Variants in MAST4 observed in about 807,000 individuals in gnomAD.
The protein encoded by MAST4 is microtubule-associated serine/threonine-protein kinase 4.
In MAST4, 89 loss-of-function variants were observed where a neutral mutation model predicts 162.7. That is an observed-to-expected ratio of 0.55 (90% CI 0.46 to 0.65). The LOEUF (loss-of-function observed/expected upper bound fraction) is 0.65. MAST4 is among the 30% of genes least tolerant of loss of function. The pLI, the probability that MAST4 is intolerant of heterozygous loss-of-function variation, is 0.00. For synonymous variants in MAST4, 1,479 were observed against 1,361.1 expected (o/e 1.09, Z -1.91); for missense variants, 3,153 against 3,374.0 (o/e 0.93, Z 1.62).
At chr5:67,071,578 G>A (rs1760999681) in intron 5 of MAST4, among the ~76,000 whole-genome samples, 1 of 152,120 alleles carries the variant, frequency 6.6e-6, no homozygotes, top group Non-Finnish European at 1.5e-5. Context: ...TGACCAATAT[G>A]GCAAAACCCC....
In MAST4 at chr5:66,734,831, G is replaced by C. The variant is rs79066747; in HGVS notation, c.364-24878G>C. Among the ~76,000 whole-genome samples, 1,185 of 152,240 alleles carry C rather than the reference G, an allele frequency of 7.8e-3. 19 individuals are homozygous for C. The highest frequency in any genetic ancestry group is 0.026 in the African/African-American group (1,089 of 41,546). On this transcript the variant is annotated intron_variant, in intron 1 of 28. Coordinates refer to ENST00000403625, the MANE Select transcript of MAST4 (RefSeq NM_001164664.2). Reference sequence around the variant, plus strand: ...CTTGAAAACACATCAATTTGTATTTGTTTTTCTCCTATTTTCTAGCTGTCA... The same window carrying C: ...CTTGAAAACACATCAATTTGTATTTCTTTTTCTCCTATTTTCTAGCTGTCA...
intron 5 of MAST4, among the ~76,000 whole-genome samples, chr5:67,069,475 A>G (rs1760662737): frequency 6.6e-6 from 1 of 151,546 alleles, no homozygotes; most frequent in Admixed American, 6.6e-5. Context: ...GACAAATGAC[A>G]CTCTCAGCAT....
chr5:67,082,147 C>CTTTTTT (rs60811351), intron 5 of MAST4, among the ~76,000 whole-genome samples: 2 of 125,790 alleles, frequency 1.6e-5, no homozygotes, highest in African/African-American at 3.1e-5. Flanking sequence ...TACCTGTAAT[C>CTTTTTT]TTTTTTTTTT....
At chr5:67,049,023 G>GTATATATATATACACATATA (rs1554087410) in intron 4 of MAST4, among the ~76,000 whole-genome samples, 1 of 85,666 alleles carries the variant, frequency 1.2e-5, no homozygotes, top group Non-Finnish European at 2.3e-5. Flanking sequence ...ATATATATAC[G>GTATATATATATACACATATA]TATATATATA....
chr5:66,911,934 C>T (rs995582112), intron 4 of MAST4, among the ~76,000 whole-genome samples: 1 of 152,050 alleles, frequency 6.6e-6, no homozygotes, highest in African/African-American at 2.4e-5. Flanking sequence ...TGGGATTAAC[C>T]TTTTGGTAAC....
At chr5:66,897,106 T>A (rs985698547) in intron 3 of MAST4, among the ~76,000 whole-genome samples, 2 of 152,080 alleles carry the variant, frequency 1.3e-5, no homozygotes, top group Admixed American at 6.6e-5. Context: ...ATTTCTTTAA[T>A]CCAGTGTCAA....
At chr5:66,755,405 AG>A (rs1753476434) in intron 1 of MAST4, among the ~76,000 whole-genome samples, 1 of 152,226 alleles carries the variant, frequency 6.6e-6, no homozygotes, top group Non-Finnish European at 1.5e-5. Context: ...TGGGAATAGA[AG>A]TGTCTGAAAA....
In MAST4 at chr5:67,163,656, G is replaced by A. The variant is rs745344641; in HGVS notation, c.4477G>A (p.Val1493Met). Residue 1493 changes from valine to methionine, a missense_variant, in exon 29 of 29, where the codon GTG becomes ATG. This residue lies in a region of MAST4 where 1,644 missense variants were observed against 1,495.0 expected (regional missense o/e 1.10). Transcript: ENST00000403625. The surrounding 1 kb of genome is among the most constrained non-coding windows in gnomAD (Gnocchi z 7.0). Reference sequence around the variant, plus strand: ...GCCGCTGCAGAGCCTGGATGAGAACGTGTGCGACGTGCCGCCGCTCAGCCG... The same window carrying A: ...GCCGCTGCAGAGCCTGGATGAGAACATGTGCGACGTGCCGCCGCTCAGCCG... ...EAPLQSLDEN[V>M]CDVPPLSRAR... 1.9e-6 allele frequency: 3 copies of A among 1,607,980 alleles called. No homozygotes were observed. The highest frequency in any genetic ancestry group is 1.7e-5 in the Admixed American group (1 of 59,298).
At chr5:66,777,384 A>T (rs920600106) in intron 2 of MAST4, among the ~76,000 whole-genome samples, 1 of 152,208 alleles carries the variant, frequency 6.6e-6, no homozygotes, top group Non-Finnish European at 1.5e-5. Flanking sequence ...CTTTGTTTAC[A>T]TTCTAAATTC....
At chr5:66,828,308 T>C (rs1757372382) in intron 3 of MAST4, among the ~76,000 whole-genome samples, 1 of 152,174 alleles carries the variant, frequency 6.6e-6, no homozygotes, top group Non-Finnish European at 1.5e-5. Context: ...GCTACATTTT[T>C]GTTTTCTTTG....
intron 4 of MAST4, among the ~76,000 whole-genome samples, chr5:66,906,473 T>G (rs550336021): frequency 1.3e-5 from 2 of 152,352 alleles, no homozygotes; most frequent in Non-Finnish European, 2.9e-5. Context: ...AGTTATCTAC[T>G]GGCATTTGAT....
At chr5:66,927,694 C>T (rs539708428) in intron 4 of MAST4, among the ~76,000 whole-genome samples, 1 of 152,186 alleles carries the variant, frequency 6.6e-6, no homozygotes, top group Non-Finnish European at 1.5e-5. Context: ...ATGTACTGGA[C>T]CCAGGAAGGT....
At chr5:67,000,144 G>A (rs545221255) in intron 4 of MAST4, among the ~76,000 whole-genome samples, 12 of 152,336 alleles carry the variant, frequency 7.9e-5, no homozygotes, top group African/African-American at 2.4e-4. Flanking sequence ...GGACTTGAAG[G>A]TGTGGACAGC....
chr5:67,107,820 T>C (rs1334040924), intron 10 of MAST4, among the ~76,000 whole-genome samples: 1 of 152,236 alleles, frequency 6.6e-6, no homozygotes, highest in Non-Finnish European at 1.5e-5. Context: ...CTTAGAGAAG[T>C]TTAGCCAAAG....
At chr5:66,600,599 G>A (rs1264247206) in intron 1 of MAST4, among the ~76,000 whole-genome samples, 4 of 152,214 alleles carry the variant, frequency 2.6e-5, no homozygotes, top group Admixed American at 6.5e-5. Context: ...TATGAAAATA[G>A]TTGCACATTT....
At chr5:67,083,162 G>A (rs73768193) in intron 5 of MAST4, among the ~76,000 whole-genome samples, 5,583 of 152,240 alleles carry the variant, frequency 0.037, 341 homozygotes, top group African/African-American at 0.13. Flanking sequence ...GGCACATCAC[G>A]TATTATTTTA....
chr5:67,145,079 C>T, intron 22 of MAST4, 65 bp from the exon 23 acceptor site: 1 of 1,387,552 alleles, frequency 7.2e-7, no homozygotes, highest in Non-Finnish European at 1.0e-6. Context: ...TGGTTTCTTC[C>T]AAAATTCACC....
intron 1 of MAST4, among the ~76,000 whole-genome samples, chr5:66,617,559 T>C (rs1452594491): frequency 6.6e-6 from 1 of 152,148 alleles, no homozygotes; most frequent in African/African-American, 2.4e-5. Context: ...AAAGATTATG[T>C]AGAGCGTAAT....
At chr5:66,858,982 T>C (rs968321182) in intron 3 of MAST4, among the ~76,000 whole-genome samples, 2 of 152,132 alleles carry the variant, frequency 1.3e-5, no homozygotes, top group Non-Finnish European at 2.9e-5. Flanking sequence ...ATATAAATAC[T>C]ATTTATTTTT....
Sources: allele counts gnomAD v4.1 joint callset (sites outside exome capture counted in the v4.1 genomes callset), GRCh38; gene constraint gnomAD v4.1.1; regional missense constraint gnomAD v4.1.1; non-coding constraint Gnocchi (gnomAD v3.1); transcripts MANE v1.5; gene names NCBI Gene and HGNC (gene_info 2026-07-23, HGNC 2026-07-21).